XPO7: variants seen among roughly 807,000 people sequenced by gnomAD.
The protein encoded by XPO7 is exportin 7, also known as exportin-7.
A neutral mutation model predicts 144.3 loss-of-function variants in XPO7; 21 were observed. The ratio of observed to expected loss-of-function variants is 0.15; its 90% CI spans 0.10 to 0.21. The LOEUF (loss-of-function observed/expected upper bound fraction) is 0.21. Among genes scored for constraint, XPO7 ranks in the 10% least tolerant of loss-of-function variants. The probability of loss-of-function intolerance (pLI) is 1.00; values close to 1 mark genes in which losing one functional copy is unlikely to be tolerated. For missense variants in XPO7, 808 were observed against 1,325.8 expected (o/e 0.61, Z 6.06); for synonymous variants, 580 against 499.6 (o/e 1.16, Z -2.15).
At chr8:21,972,437 G>A (rs10109521) in intron 5 of XPO7, among the ~76,000 whole-genome samples, 87,067 of 151,952 alleles carry the variant, frequency 0.57, 25,732 homozygotes, top group African/African-American at 0.73. Context: ...AGATCGCGCT[G>A]TTGCACTCCA....
intron 19 of XPO7, 116 bp from the exon 20 acceptor site, chr8:21,994,247 G>C: frequency 1.5e-6 from 1 of 653,540 alleles, no homozygotes; most frequent in South Asian, 1.7e-5. Flanking sequence ...ATTTGAGAAG[G>C]AGTATATGTT....
At chr8:21,946,124 C>G (rs1416097604) in intron 1 of XPO7, among the ~76,000 whole-genome samples, 2 of 152,270 alleles carry the variant, frequency 1.3e-5, no homozygotes, top group East Asian at 1.9e-4. Context: ...CACACACATG[C>G]ATCTGCATGG....
At chr8:21,997,157 G>T (rs1331460213) in intron 21 of XPO7, among the ~76,000 whole-genome samples, 1 of 152,084 alleles carries the variant, frequency 6.6e-6, no homozygotes, top group Non-Finnish European at 1.5e-5. Flanking sequence ...TATTTAAAGA[G>T]GCTATAACCT....
chr8:21,990,875 C>G lies in XPO7; in HGVS notation c.1997C>G (p.Thr666Ser). ...AACCTGACAGACATGCGGTGTCGGA[C>G]TACCTTCTACACAGCACTTGGGCGT... ...QSNLTDMRCR[T>S]TFYTALGRLL... Residue 666 changes from threonine (T) to serine (S), a missense_variant, in exon 18 of 28, where the codon ACT becomes AGT. By Grantham distance (58) the Thr-to-Ser change is moderately conservative. Around this residue, in one of 5 missense-constraint regions of XPO7, gnomAD observed 416 missense variants for 612.5 expected, o/e 0.68. Coordinates refer to ENST00000252512, the MANE Select transcript of XPO7 (RefSeq NM_015024.5). 1 of 1,613,974 alleles carries G rather than the reference C, an allele frequency of 6.2e-7. No homozygotes were observed. Among genetic ancestry groups the G allele is most frequent in the Non-Finnish European group, 8.5e-7 (1 of 1,179,884 alleles).
At chr8:21,976,331 A>G (rs1812222047) in intron 6 of XPO7, 25 bp from the exon 7 acceptor site, 2 of 1,605,438 alleles carry the variant, frequency 1.2e-6, no homozygotes, top group African/African-American at 2.7e-5. Flanking sequence ...GATTTTGGGG[A>G]CTCATTATGT....
At chr8:21,944,604 A>G (rs1182179975) in intron 1 of XPO7, among the ~76,000 whole-genome samples, 2 of 152,062 alleles carry the variant, frequency 1.3e-5, no homozygotes, top group Non-Finnish European at 2.9e-5. Context: ...AATAAGGAAT[A>G]TTCTTTTAAT....
intron 1 of XPO7, among the ~76,000 whole-genome samples, chr8:21,923,652 T>G (rs1810366590): frequency 6.6e-6 from 1 of 152,178 alleles, no homozygotes; most frequent in Admixed American, 6.5e-5. Flanking sequence ...GATGGAAGAA[T>G]CTCTAATTTA....
intron 6 of XPO7, among the ~76,000 whole-genome samples, chr8:21,975,592 G>A (rs1349057108): frequency 2.0e-5 from 3 of 152,156 alleles, no homozygotes; most frequent in Non-Finnish European, 4.4e-5. Context: ...TCCAGTTAAC[G>A]ATATTCATCT....
At chr8:21,998,085 G>A (rs1369055014) in intron 21 of XPO7, among the ~76,000 whole-genome samples, 2 of 152,276 alleles carry the variant, frequency 1.3e-5, no homozygotes, top group East Asian at 3.9e-4. Flanking sequence ...AGCCATAAAG[G>A]TCCATGCCAA....
At chr8:21,965,664 T>G (rs1344903546) in intron 1 of XPO7, among the ~76,000 whole-genome samples, 1 of 152,212 alleles carries the variant, frequency 6.6e-6, no homozygotes, top group Admixed American at 6.5e-5. Flanking sequence ...CAGTTAGTGT[T>G]GGAAATTTAT....
intron 5 of XPO7, among the ~76,000 whole-genome samples, chr8:21,974,433 T>G (rs1486243613): frequency 6.6e-6 from 1 of 152,212 alleles, no homozygotes; most frequent in Non-Finnish European, 1.5e-5. Flanking sequence ...GCAGCAGAGA[T>G]TATCCATCCT....
chr8:21,949,323 C>A (rs181108790), intron 1 of XPO7, among the ~76,000 whole-genome samples: 130 of 152,310 alleles, frequency 8.5e-4, no homozygotes, highest in African/African-American at 3.1e-3. Context: ...AAAATACTGC[C>A]CCAGGCATTC....
chr8:21,991,896 C>T lies in XPO7; in HGVS notation c.2070C>T (p.Phe690=). Reference sequence around the variant, plus strand: ...AGGATGAAGATCAGTATGAGCAGTTCATGCTGCCACTCACAGCAGCATTTG... The same window carrying T: ...AGGATGAAGATCAGTATGAGCAGTTTATGCTGCCACTCACAGCAGCATTTG... The part of the protein sequence containing the change: ...LGEDEDQYEQ[F]MLPLTAAFEA... Residue 690 remains phenylalanine, a synonymous_variant, in exon 19 of 28, where the codon TTC becomes TTT. Coordinates refer to ENST00000252512, the MANE Select transcript of XPO7 (RefSeq NM_015024.5). 4 of 1,613,110 alleles carry T rather than the reference C, an allele frequency of 2.5e-6. No homozygotes were observed. Among genetic ancestry groups the T allele is most frequent in the Non-Finnish European group, 3.4e-6 (4 of 1,179,632 alleles).
chr8:21,930,623 T>C (rs1331442253), intron 1 of XPO7, among the ~76,000 whole-genome samples: 1 of 152,152 alleles, frequency 6.6e-6, no homozygotes, highest in Non-Finnish European at 1.5e-5. Flanking sequence ...CAAATATGGC[T>C]TCTGTGGAGG....
intron 3 of XPO7, 71 bp downstream of exon 3, chr8:21,969,647 T>C: frequency 1.5e-6 from 2 of 1,333,654 alleles, no homozygotes; most frequent in East Asian, 2.4e-5. Context: ...AATAGTCAAA[T>C]GTACGTGTTT....
At position 21,987,134 on chromosome 8, in the gene XPO7, C is replaced by G; in HGVS notation, c.1578-7C>G. 1.2e-6 allele frequency: 2 copies of G among 1,613,670 alleles called. No homozygotes were observed. Among genetic ancestry groups the G allele is most frequent in the Non-Finnish European group, 1.7e-6 (2 of 1,179,854 alleles). On this transcript the variant is annotated splice_region_variant and splice_polypyrimidine_tract_variant and intron_variant, in intron 13 of 27. Transcript: ENST00000252512. ...TGTTGAGAGAATCATTGCTCCTCTT[C>G]CTCCAGGGTGCTCCAGCTGATGAAC...
chr8:21,954,410 C>T (rs993022250), intron 1 of XPO7, among the ~76,000 whole-genome samples: 5 of 152,134 alleles, frequency 3.3e-5, no homozygotes, highest in South Asian at 2.1e-4. Context: ...CCAAGACAGG[C>T]GGATCACGAG....
At position 21,966,320 on chromosome 8, in the gene XPO7, A is replaced by G; in HGVS notation, c.19-537A>G. 4 of 780,490 alleles carry G rather than the reference A, an allele frequency of 5.1e-6. No individual in the cohort carries two copies. The South Asian group carries it at 5.4e-5, about 10-fold the overall frequency. The allele number at this position is 780,490 out of a possible 1,614,324, so 48.3% of individuals were successfully genotyped here. On this transcript the variant is annotated intron_variant, in intron 1 of 27. Transcript: ENST00000252512. ...GAGGGATCCAGGGAGGAAGGTGCGTAAATACATCTTGAAGCTTTCTCTAGA... is the reference window on the plus strand; with the variant it reads ...GAGGGATCCAGGGAGGAAGGTGCGTGAATACATCTTGAAGCTTTCTCTAGA...
Position 21,990,934 on chromosome 8 carries a change from C to T in XPO7, c.2041+15C>T, listed in dbSNP as rs755584582. On this transcript the variant is annotated intron_variant, in intron 18 of 27. Transcript: ENST00000252512. ...GGTGGATTTAGGTACCGTAAGAAAT[C>T]GTAGTGGCTCATGAAGTCATCTGGC... 9.9e-6 allele frequency: 16 copies of T among 1,610,116 alleles called. No individual in the cohort carries two copies. The highest frequency in any genetic ancestry group is 3.3e-5 in the Admixed American group (2 of 59,952).
Sources: allele counts gnomAD v4.1 joint callset (sites outside exome capture counted in the v4.1 genomes callset), GRCh38; gene constraint gnomAD v4.1.1; regional missense constraint gnomAD v4.1.1; transcripts MANE v1.5; gene names NCBI Gene and HGNC (gene_info 2026-07-23, HGNC 2026-07-21).